Variants in TENM4 observed in about 807,000 individuals in gnomAD.
The protein encoded by TENM4 is teneurin-4.
TENM4 carries 82 observed loss-of-function variants against 243.3 expected under a neutral mutation model. The ratio of observed to expected loss-of-function variants is 0.34; its 90% CI spans 0.28 to 0.40. The LOEUF is 0.40. TENM4 is among the 10% of genes least tolerant of loss of function. The probability of loss-of-function intolerance (pLI) is 1.00; values close to 1 mark genes in which losing one functional copy is unlikely to be tolerated. For synonymous variants in TENM4, 1,412 were observed against 1,456.3 expected (o/e 0.97, Z 0.69); for missense variants, 3,138 against 3,673.3 (o/e 0.85, Z 3.77).
At chr11:79,427,723 A>G (rs925341421) in intron 1 of TENM4, among the ~76,000 whole-genome samples, 2 of 152,236 alleles carry the variant, frequency 1.3e-5, no homozygotes, top group Non-Finnish European at 2.9e-5. Flanking sequence ...AAACAAAAAC[A>G]TAATAAAGGT....
intron 1 of TENM4, among the ~76,000 whole-genome samples, chr11:79,376,152 G>A (rs1857886485): frequency 6.6e-6 from 1 of 152,198 alleles, no homozygotes. Flanking sequence ...CAGTACAACA[G>A]GGAACGCATC....
intron 1 of TENM4, among the ~76,000 whole-genome samples, chr11:79,379,855 G>T (rs1411874198): frequency 6.6e-6 from 1 of 152,154 alleles, no homozygotes; most frequent in Non-Finnish European, 1.5e-5. Flanking sequence ...TAGGGTTTAG[G>T]CTTGAGGAAC....
intron 4 of TENM4, among the ~76,000 whole-genome samples, chr11:79,112,479 G>A (rs548232475): frequency 6.6e-6 from 1 of 152,222 alleles, no homozygotes; most frequent in East Asian, 1.9e-4. Context: ...ATGGGAAGGG[G>A]GCTGGGGTGG....
intron 15 of TENM4, among the ~76,000 whole-genome samples, chr11:78,792,407 A>G (rs529849904): frequency 1.3e-5 from 2 of 152,294 alleles, no homozygotes; most frequent in South Asian, 2.1e-4. Context: ...CAACTGTCCA[A>G]AAATTCCTAT....
chr11:79,358,768 C>T lies in TENM4; in HGVS notation c.-320-61225G>A, dbSNP rs952484753. Among the ~76,000 whole-genome samples the T allele has an allele frequency of 2.7e-5, 4 of 150,762 alleles. No homozygotes were observed. In the South Asian group the frequency reaches 8.5e-4, roughly 32 times the overall value. On this transcript the variant is annotated intron_variant, in intron 1 of 33. Coordinates refer to ENST00000278550, the MANE Select transcript of TENM4 (RefSeq NM_001098816.3). ...TTCCTTTCCTTTTTTCCTTCCTGAC[C>T]TCTAACTTCCTAACTTCTTAGCTTC...
intron 29 of TENM4, among the ~76,000 whole-genome samples, chr11:78,687,753 G>C (rs1276825901): frequency 6.6e-6 from 1 of 152,170 alleles, no homozygotes; most frequent in Non-Finnish European, 1.5e-5. Context: ...GAGTGTGTCT[G>C]TTAATCTGGG....
intron 6 of TENM4, among the ~76,000 whole-genome samples, chr11:78,961,459 A>AC (rs1460714590): frequency 6.6e-6 from 1 of 152,092 alleles, no homozygotes; most frequent in Non-Finnish European, 1.5e-5. Flanking sequence ...CTTCTGCCAT[A>AC]CCCCACCTCC....
intron 9 of TENM4, among the ~76,000 whole-genome samples, chr11:78,879,970 C>T (rs888823023): frequency 4.6e-5 from 7 of 152,114 alleles, no homozygotes; most frequent in African/African-American, 9.7e-5. Flanking sequence ...CAGCGACCAT[C>T]GAGAATGGGC....
At chr11:79,338,833 C>T (rs2135456996) in intron 1 of TENM4, among the ~76,000 whole-genome samples, 1 of 152,324 alleles carries the variant, frequency 6.6e-6, no homozygotes, top group East Asian at 1.9e-4. Flanking sequence ...CCTCAGTTTC[C>T]TCAACTGTGG....
At chr11:79,030,366 G>C (rs1166999794) in intron 6 of TENM4, among the ~76,000 whole-genome samples, 1 of 152,168 alleles carries the variant, frequency 6.6e-6, no homozygotes, top group Non-Finnish European at 1.5e-5. Flanking sequence ...GTCCTCACTT[G>C]AAATCAGGAA....
chr11:79,057,914 C>T (rs909911081), intron 6 of TENM4, among the ~76,000 whole-genome samples: 1 of 152,192 alleles, frequency 6.6e-6, no homozygotes, highest in South Asian at 2.1e-4. Flanking sequence ...CTGTTACAGT[C>T]CTTTCCAGCC....
At chr11:79,027,863 C>A (rs1859120789) in intron 6 of TENM4, among the ~76,000 whole-genome samples, 2 of 152,178 alleles carry the variant, frequency 1.3e-5, no homozygotes, top group Non-Finnish European at 2.9e-5. Flanking sequence ...TTAACACCGA[C>A]TGAGCCTCAA....
rs1324975719 is a variant in TENM4 at position 79,138,311 on chromosome 11, T to TTATATATATA, written c.-66+10389_-66+10398dup. Among the ~76,000 whole-genome samples the TTATATATATA allele has an allele frequency of 1.3e-3, 129 of 96,108 alleles. 1 individual carries two copies. Among genetic ancestry groups the TTATATATATA allele is most frequent in the African/African-American group, 4.9e-3 (118 of 23,986 alleles). 63.1% of individuals were successfully genotyped at this position (96,108 alleles called of 152,430 possible). On this transcript the variant is annotated intron_variant, in intron 4 of 33. Coordinates refer to ENST00000278550, the MANE Select transcript of TENM4 (RefSeq NM_001098816.3). ...GAGTTAATACTTAATAAACTCCCCT[T>TTATATATATA]TATATATATATATATATATTATATA...
chr11:79,347,970 G>A (rs1295333769), intron 1 of TENM4, among the ~76,000 whole-genome samples: 4 of 151,316 alleles, frequency 2.6e-5, no homozygotes, highest in South Asian at 2.1e-4. Context: ...TAGTAGAGAC[G>A]GGGTTTCACC....
intron 19 of TENM4, among the ~76,000 whole-genome samples, chr11:78,741,834 A>G (rs1031252303): frequency 6.6e-6 from 1 of 152,190 alleles, no homozygotes; most frequent in Non-Finnish European, 1.5e-5. Flanking sequence ...GCCTTAGTGA[A>G]AAACCATTAA....
At chr11:78,689,205 A>G (rs1053477221) in intron 28 of TENM4, among the ~76,000 whole-genome samples, 12 of 152,146 alleles carry the variant, frequency 7.9e-5, no homozygotes, top group Non-Finnish European at 1.6e-4. Context: ...TTGCTTCCAA[A>G]CTGCCACCTG....
chr11:78,766,177 G>C (rs1455901058), intron 18 of TENM4, among the ~76,000 whole-genome samples: 1 of 152,188 alleles, frequency 6.6e-6, no homozygotes, highest in Non-Finnish European at 1.5e-5. Flanking sequence ...AGGGAGCCAG[G>C]AGTTGAATCC....
rs150995848 is a variant in TENM4 at position 78,796,415 on chromosome 11, A to G, written c.2179+8877T>C. On this transcript the variant is annotated intron_variant, in intron 15 of 33. Coordinates refer to ENST00000278550, the MANE Select transcript of TENM4 (RefSeq NM_001098816.3). ...ACCTGACCCCCACTAAAAGGGCCCA[A>G]CTGGGTGAAATGAAGAGACAGCTGA... is the stretch of plus-strand genomic sequence containing the variant. 5.0e-4 allele frequency among the ~76,000 whole-genome samples: 76 copies of G among 152,262 alleles called. No homozygotes were observed. The East Asian group carries it at 0.014, about 28-fold the overall frequency.
intron 28 of TENM4, among the ~76,000 whole-genome samples, chr11:78,698,404 A>G (rs140830963): frequency 2.0e-5 from 3 of 151,760 alleles, no homozygotes; most frequent in African/African-American, 7.3e-5. Flanking sequence ...AAACCGAACC[A>G]AACCAACCAA....
Sources: gnomAD v4.1 joint callset for allele counts (sites outside exome capture counted in the v4.1 genomes callset) on GRCh38, gnomAD v4.1.1 for gene constraint, MANE v1.5 for transcripts, NCBI Gene and HGNC (gene_info 2026-07-23, HGNC 2026-07-21) for gene names.